Variants in DNAH1 observed in about 807,000 individuals in gnomAD.
The protein encoded by DNAH1 is axonemal beta dynein heavy chain 1.
Under a neutral mutation model 484.3 loss-of-function variants are expected in DNAH1, and 327 were observed. That is an observed-to-expected ratio of 0.68 (90% CI 0.62 to 0.74). The LOEUF (loss-of-function observed/expected upper bound fraction) is 0.74. Ranked by LOEUF, DNAH1 falls within the 30% of genes least tolerant of loss-of-function variation. The pLI is 0.00. For missense variants in DNAH1, 5,052 were observed against 5,546.8 expected (o/e 0.91, Z 2.83); for synonymous variants, 2,192 against 2,191.9 (o/e 1.00, Z 0.00).
At chr3:52,354,807 C>T (rs1450947876) in intron 20 of DNAH1, 36 bp from the exon 21 acceptor site, 1 of 1,606,206 alleles carries the variant, frequency 6.2e-7, no homozygotes, top group Non-Finnish European at 8.5e-7. Flanking sequence ...GGACCAGCCC[C>T]TCCCAGGACT....
In DNAH1 at chr3:52,396,759, A is replaced by C. The variant is rs186366418; in HGVS notation, c.11572A>C (p.Lys3858Gln). 2.7e-4 allele frequency: 432 copies of C among 1,613,760 alleles called. No individual in the cohort carries two copies. The African/African-American group carries it at 4.9e-3, about 18-fold the overall frequency. The change falls in exon 72 of 78, where the codon AAG (lysine) becomes CAG (glutamine). Residue 3858 changes from lysine to glutamine, a missense_variant. Around this residue, in one of 4 missense-constraint regions of DNAH1, gnomAD observed 853 missense variants for 899.0 expected, o/e 0.95. Coordinates refer to ENST00000420323, the MANE Select transcript of DNAH1 (RefSeq NM_015512.5). ...GDLRICISQL[K>Q]MFLDEYDDIP... ...TCTGCGCATCTGCATCAGCCAGCTC[A>C]AGATGTTCCTGGACGAATATGATGA...
intron 36 of DNAH1, among the ~76,000 whole-genome samples, chr3:52,367,131 T>C (rs1703117947): frequency 6.6e-6 from 1 of 152,170 alleles, no homozygotes; most frequent in Non-Finnish European, 1.5e-5. Flanking sequence ...AAGAATGACT[T>C]AACACGCTCA....
At chr3:52,343,511 TGA>T (rs373557564) in intron 8 of DNAH1, among the ~76,000 whole-genome samples, 57 of 151,676 alleles carry the variant, frequency 3.8e-4, no homozygotes, top group African/African-American at 1.3e-3. Context: ...GCAGAGAAGG[TGA>T]GAGAGAGTCT....
Position 52,357,687 on chromosome 3 carries a change from A to C in DNAH1, c.3932A>C (p.Gln1311Pro). Reference protein sequence around the residue: ...RDCNKILDLVQKGLSEYLETK... With the variant: ...RDCNKILDLVPKGLSEYLETK... ...TGCAACAAGATTCTGGACCTGGTGC[A>C]GAAGGGCCTCAGCGAGTATCTGGAG... is the stretch of plus-strand genomic sequence containing the variant. Residue 1311 changes from glutamine (Q) to proline (P), a missense_variant, in exon 23 of 78, where the codon CAG becomes CCG. Physicochemically the swap from Gln to Pro is moderately conservative, Grantham distance 76. Transcript: ENST00000420323. The C allele has an allele frequency of 6.3e-7, 1 of 1,592,262 alleles. No individual in the cohort carries two copies. Among genetic ancestry groups the C allele is most frequent in the Non-Finnish European group, 8.6e-7 (1 of 1,168,932 alleles).
At position 52,383,514 on chromosome 3, in the gene DNAH1, C is replaced by T. The variant is rs1703953443; in HGVS notation, c.8070C>T (p.Gly2690=). ...TGCGGCCCTATATCCAGGAGCAGGG[C>T]CTACAGCCCACCAAGGCCAACCTCA... ...STMRPYIQEQ[G]LQPTKANLMA... The change falls in exon 51 of 78, where the codon GGC becomes GGT. Residue 2690 remains glycine (G), a synonymous_variant. Transcript: ENST00000420323. 5 of 1,613,704 alleles carry T rather than the reference C, an allele frequency of 3.1e-6. No homozygotes were observed. In the East Asian group the frequency reaches 1.1e-4, roughly 36 times the overall value.
chr3:52,350,459 A>G (rs375068406), intron 15 of DNAH1, 49 bp from the exon 16 acceptor site: 3 of 1,578,562 alleles, frequency 1.9e-6, no homozygotes, highest in Non-Finnish European at 2.6e-6. Context: ...CCGATTACCC[A>G]CCACCTCCCT....
intron 8 of DNAH1, among the ~76,000 whole-genome samples, chr3:52,333,407 G>C (rs1346681229): frequency 8.4e-6 from 1 of 118,854 alleles, no homozygotes; most frequent in African/African-American, 3.6e-5. Context: ...TTTTTTTTGA[G>C]ATGGAGTTTG....
At position 52,362,765 on chromosome 3, in the gene DNAH1, C is replaced by A. The variant is rs1312354671; in HGVS notation, c.5095-230C>A. ...TGGGCCTTCAGGAGAAACAGGAAAA[C>A]AGGAGCCAAGAGGGGCATCTCCTGG... On this transcript the variant is annotated intron_variant, in intron 31 of 77. Coordinates refer to ENST00000420323, the MANE Select transcript of DNAH1 (RefSeq NM_015512.5). This position sits in a 1 kb window ranked among gnomAD's most constrained non-coding sequence, Gnocchi z 5.1. 5.9e-5 allele frequency among the ~76,000 whole-genome samples: 9 copies of A among 152,142 alleles called. No homozygotes were observed. The highest frequency in any genetic ancestry group is 5.9e-4 in the Admixed American group (9 of 15,280).
Position 52,344,484 on chromosome 3 carries a change from G to T in DNAH1, c.1287-6G>T, listed in dbSNP as rs1321710229. On this transcript the variant is annotated splice_polypyrimidine_tract_variant and splice_region_variant and intron_variant, in intron 8 of 77. Coordinates refer to ENST00000420323, the MANE Select transcript of DNAH1 (RefSeq NM_015512.5). The stretch of plus-strand genomic sequence containing the variant: ...TGATTCCCCCATCTCCCATCTCTAT[G>T]GGCAGGGTTCTAGAGCACCTCAGCA... 2 of 1,612,468 alleles carry T rather than the reference G, an allele frequency of 1.2e-6. No homozygotes were observed. The highest frequency in any genetic ancestry group is 1.7e-6 in the Non-Finnish European group (2 of 1,178,852).
intron 46 of DNAH1, among the ~76,000 whole-genome samples, chr3:52,376,268 A>C (rs1031309133): frequency 6.6e-6 from 1 of 152,204 alleles, no homozygotes; most frequent in East Asian, 1.9e-4. Context: ...AAATAAGGGA[A>C]TCCAACAAAC....
rs1355745206 is a variant in DNAH1, at chr3:52,359,393, G to A, written c.4407+7G>A. 6.4e-7 allele frequency: 1 copy of A among 1,568,524 alleles called. No individual in the cohort carries two copies. Among genetic ancestry groups the A allele is most frequent in the East Asian group, 2.4e-5 (1 of 42,276 alleles). On this transcript the variant is annotated splice_region_variant and intron_variant, in intron 26 of 77. Coordinates refer to ENST00000420323, the MANE Select transcript of DNAH1 (RefSeq NM_015512.5). Reference sequence around the variant, plus strand: ...CCCCCAGCTCTGCCAGCAGGTTGGAGTCAAGAGGACCCCTGTCTGTCCCCC... The same window carrying A: ...CCCCCAGCTCTGCCAGCAGGTTGGAATCAAGAGGACCCCTGTCTGTCCCCC...
Position 52,392,487 on chromosome 3 carries a change from G to T in DNAH1, c.10076G>T (p.Gly3359Val). 2 of 1,613,786 alleles carry T rather than the reference G, an allele frequency of 1.2e-6. No homozygotes were observed. The highest frequency in any genetic ancestry group is 1.7e-6 in the Non-Finnish European group (2 of 1,179,866). Residue 3359 changes from glycine to valine, a missense_variant, in exon 64 of 78, where the codon GGC becomes GTC. By Grantham distance (109) the Gly-to-Val change is moderately radical. Transcript: ENST00000420323. ...AGTGGCCTAGAGGACCAGCTACTGG[G>T]CCAGGTAGTGGCAGAGGAGCGACCC... is the stretch of plus-strand genomic sequence containing the variant. ...SPSGLEDQLL[G>V]QVVAEERPDL...
In DNAH1 at chr3:52,383,125, C is replaced by T. The variant is rs559703620; in HGVS notation, c.7942-261C>T. On this transcript the variant is annotated intron_variant, in intron 50 of 77. Transcript: ENST00000420323. ...GAGTAAACTGAGACATGGAGAGGGG[C>T]GAAGAGGAAGATGCCACAACCCCCA... is the stretch of plus-strand genomic sequence containing the variant. Among the ~76,000 whole-genome samples the T allele has an allele frequency of 3.3e-5, 5 of 152,284 alleles. No individual in the cohort carries two copies. The East Asian group carries it at 7.7e-4, about 24-fold the overall frequency.
intron 65 of DNAH1, 145 bp from the exon 66 acceptor site, chr3:52,393,189 G>A: frequency 6.9e-7 from 1 of 1,446,458 alleles, no homozygotes; most frequent in Non-Finnish European, 9.5e-7. Context: ...CCTCCTCCGA[G>A]CCCCTTCACT....
rs192608206 is a variant in DNAH1, at chr3:52,386,215, A to G, written c.8681A>G (p.Lys2894Arg). Residue 2894 changes from lysine to arginine, a missense_variant, in exon 55 of 78, where the codon AAA becomes AGA. Physicochemically the swap from Lys to Arg is conservative, Grantham distance 26. This residue lies in a region of DNAH1 where 2,929 missense variants were observed against 3,409.4 expected (regional missense o/e 0.86). Coordinates refer to ENST00000420323, the MANE Select transcript of DNAH1 (RefSeq NM_015512.5). ...AATTCAGTGCAGACAGAGGAGATCA[A>G]AGCCAATGAGAAGGCCAAGAAGGCA... Reference protein sequence around the residue: ...TRNSVQTEEIKANEKAKKAQA... With the variant: ...TRNSVQTEEIRANEKAKKAQA... 1.4e-5 allele frequency: 23 copies of G among 1,613,916 alleles called. No homozygotes were observed. The African/African-American group carries it at 2.5e-4, about 18-fold the overall frequency.
At chr3:52,346,377 C>A in intron 10 of DNAH1, 95 bp from the exon 11 acceptor site, 1 of 1,333,142 alleles carries the variant, frequency 7.5e-7, no homozygotes, top group Admixed American at 2.2e-5. Flanking sequence ...GAGCCCTGAG[C>A]CGCCCCAAGC....
intron 8 of DNAH1, among the ~76,000 whole-genome samples, chr3:52,340,978 CCCTTCCTTCCTT>C (rs113750705): frequency 4.0e-5 from 6 of 151,502 alleles, no homozygotes; most frequent in African/African-American, 1.5e-4. Context: ...CTTCCTCCCT[CCCTTCCTTCCTT>C]CCTTCCTTCC....
intron 45 of DNAH1, 122 bp from the exon 46 acceptor site, chr3:52,375,833 T>A: frequency 8.6e-7 from 1 of 1,167,916 alleles, no homozygotes; most frequent in Non-Finnish European, 1.2e-6. Context: ...CTCTGAGCCT[T>A]TATGGGGTTT....
In DNAH1 at chr3:52,360,020, C is replaced by A; in HGVS notation, c.4512C>A (p.Ser1504Arg). 2 of 1,613,946 alleles carry A rather than the reference C, an allele frequency of 1.2e-6. No homozygotes were observed. Among genetic ancestry groups the A allele is most frequent in the Non-Finnish European group, 1.7e-6 (2 of 1,179,894 alleles). The change falls in exon 27 of 78, where the codon AGC (serine) becomes AGA (arginine). Residue 1504 changes from serine to arginine, a missense_variant. By Grantham distance (110) the Ser-to-Arg change is moderately radical. Transcript: ENST00000420323. The part of the protein sequence containing the change: ...VIEVHAKDVV[S>R]KLIQENVVSV... ...AGGTCCATGCCAAGGACGTGGTGAG[C>A]AAGCTAATCCAGGAGAACGTGGTCA...
Sources: gnomAD v4.1 joint callset for allele counts (sites outside exome capture counted in the v4.1 genomes callset) on GRCh38, gnomAD v4.1.1 for gene constraint, gnomAD v4.1.1 regional missense constraint, Gnocchi (gnomAD v3.1) non-coding constraint, MANE v1.5 for transcripts, NCBI Gene and HGNC (gene_info 2026-07-23, HGNC 2026-07-21) for gene names.